The following KIF13B variants were observed in gnomAD, a reference collection of about 807,000 sequenced individuals.
KIF13B encodes the protein kinesin-like protein KIF13B.
A neutral mutation model predicts 222.0 loss-of-function variants in KIF13B; 127 were observed. That is an observed-to-expected ratio of 0.57 (90% CI 0.50 to 0.66). The LOEUF (loss-of-function observed/expected upper bound fraction) is 0.66, where lower values mean the gene tolerates loss of function less well. Among genes scored for constraint, KIF13B ranks in the 30% least tolerant of loss-of-function variants. KIF13B has a pLI of 0.00. For synonymous variants in KIF13B, 976 were observed against 919.0 expected (o/e 1.06, Z -1.12); for missense variants, 2,173 against 2,379.0 (o/e 0.91, Z 1.80).
intron 17 of KIF13B, 79 bp downstream of exon 17, chr8:29,147,313 C>A: frequency 1.0e-6 from 1 of 998,622 alleles, no homozygotes; most frequent in Non-Finnish European, 1.5e-6. Flanking sequence ...CTTAATGTTC[C>A]CATTTGACAC....
chr8:29,151,410 T>C (rs1811292074), intron 14 of KIF13B, among the ~76,000 whole-genome samples: 2 of 152,262 alleles, frequency 1.3e-5, no homozygotes, highest in Non-Finnish European at 2.9e-5. Flanking sequence ...AGACTTCTAC[T>C]GGAAGAAGAT....
Position 29,250,897 on chromosome 8 carries a change from T to C in KIF13B, c.56-5458A>G, listed in dbSNP as rs566727784. On this transcript the variant is annotated intron_variant, in intron 1 of 39. Coordinates refer to ENST00000524189, the MANE Select transcript of KIF13B (RefSeq NM_015254.4). ...TTGTGTTGCTACAAGATTTTAAATA[T>C]GACACACTCGCCACTGAAAACTTCT... Among the ~76,000 whole-genome samples, 6 of 152,362 alleles carry C rather than the reference T, an allele frequency of 3.9e-5. No individual in the cohort carries two copies. In the South Asian group the frequency reaches 1.2e-3, roughly 32 times the overall value.
chr8:29,193,981 CTTTT>C (rs59285182), intron 3 of KIF13B, among the ~76,000 whole-genome samples: 1 of 134,054 alleles, frequency 7.5e-6, no homozygotes. Flanking sequence ...CCACGCCTGG[CTTTT>C]TTTTTTTTTT....
intron 2 of KIF13B, 106 bp from the exon 3 acceptor site, chr8:29,196,305 AT>A: frequency 3.3e-6 from 3 of 898,112 alleles, no homozygotes; most frequent in Non-Finnish European, 5.2e-6. Flanking sequence ...AATAAACATT[AT>A]GTAAATTCAC....
intron 32 of KIF13B, among the ~76,000 whole-genome samples, chr8:29,111,345 T>C (rs77559103): frequency 0.03 from 4,528 of 152,344 alleles, 235 homozygotes; most frequent in African/African-American, 0.1. Context: ...CCTGGGCCAC[T>C]TCTTTTGGCC....
chr8:29,199,081 A>ATTTTTTTTTTTTTTTTTTTTTTTT (rs1435870446), intron 2 of KIF13B, among the ~76,000 whole-genome samples: 3 of 151,490 alleles, frequency 2.0e-5, no homozygotes, highest in African/African-American at 7.3e-5. Context: ...AAAAAAATAA[A>ATTTTTTTTTTTTTTTTTTTTTTTT]ATTTTTTAAA....
chr8:29,090,649 C>T (rs932351998), intron 37 of KIF13B, among the ~76,000 whole-genome samples: 1 of 152,156 alleles, frequency 6.6e-6, no homozygotes, highest in African/African-American at 2.4e-5. Flanking sequence ...AATGTTCTGG[C>T]TTTACTACCA....
chr8:29,191,124 G>C, intron 3 of KIF13B, 67 bp from the exon 4 acceptor site: 1 of 1,203,378 alleles, frequency 8.3e-7, no homozygotes, highest in Non-Finnish European at 1.2e-6. Context: ...ATAACTGATA[G>C]AACTGTTCAT....
At chr8:29,074,066 G>A (rs1419984035) in intron 38 of KIF13B, among the ~76,000 whole-genome samples, 1 of 152,168 alleles carries the variant, frequency 6.6e-6, no homozygotes, top group Non-Finnish European at 1.5e-5. Context: ...GAATCTGAAC[G>A]GTAACCAGGG....
chr8:29,077,642 A>T (rs1212365906), intron 37 of KIF13B, among the ~76,000 whole-genome samples: 5 of 152,204 alleles, frequency 3.3e-5, no homozygotes. Flanking sequence ...CTAAAATCAC[A>T]TGATTCCTGC....
At chr8:29,173,408 G>T (rs544693561) in intron 10 of KIF13B, among the ~76,000 whole-genome samples, 2 of 151,484 alleles carry the variant, frequency 1.3e-5, no homozygotes, top group African/African-American at 4.8e-5. Context: ...GATGCTCAAG[G>T]CCAGGAGTTC....
rs1243079346 is a variant in KIF13B, at chr8:29,085,705, C to CCTTTT, written c.4458+7039_4458+7040insAAAAG. ...GTTTTTAAGTAACAGAAATACTCTT[C>CCTTTT]TTTTTTTTTTTTTTTTTTTTTTTTT... On this transcript the variant is annotated intron_variant, in intron 37 of 39. Coordinates refer to ENST00000524189, the MANE Select transcript of KIF13B (RefSeq NM_015254.4). 2.5e-3 allele frequency among the ~76,000 whole-genome samples: 124 copies of CCTTTT among 48,772 alleles called. 2 individuals carry two copies. Among genetic ancestry groups the CCTTTT allele is most frequent in the African/African-American group, 9.1e-3 (119 of 13,084 alleles). 32.0% of individuals were successfully genotyped at this position (48,772 alleles called of 152,430 possible). A position where few individuals can be genotyped will look rare whatever the true frequency, so the allele number is the denominator to read the frequency against.
intron 4 of KIF13B, chr8:29,189,438 A>C (rs1813079330): frequency 6.6e-6 from 1 of 152,212 alleles, no homozygotes. Flanking sequence ...GAGATTGTTT[A>C]AAAACAGGCG....
chr8:29,234,150 C>A (rs909503756), intron 2 of KIF13B, among the ~76,000 whole-genome samples: 1 of 152,102 alleles, frequency 6.6e-6, no homozygotes, highest in African/African-American at 2.4e-5. Flanking sequence ...TGAGGTCCAA[C>A]AATTCCACTC....
chr8:29,144,131 C>T (rs1009856585), intron 18 of KIF13B, among the ~76,000 whole-genome samples: 2 of 151,642 alleles, frequency 1.3e-5, no homozygotes, highest in Non-Finnish European at 2.9e-5. Context: ...TTCAAATGTT[C>T]TACTTAAAAC....
intron 1 of KIF13B, among the ~76,000 whole-genome samples, chr8:29,261,309 T>C (rs1289473660): frequency 6.6e-6 from 1 of 152,184 alleles, no homozygotes; most frequent in African/African-American, 2.4e-5. Flanking sequence ...TACAACCTTA[T>C]CAATGGCAAT....
chr8:29,076,153 G>A (rs528045322), intron 37 of KIF13B, among the ~76,000 whole-genome samples: 3 of 152,320 alleles, frequency 2.0e-5, no homozygotes, highest in South Asian at 2.1e-4. Flanking sequence ...CTGTTGCTGC[G>A]GAGTGGCTGT....
At position 29,182,003 on chromosome 8, in the gene KIF13B, G is replaced by A. The variant is rs377611918; in HGVS notation, c.501C>T (p.Ser167=). The part of the protein sequence containing the change: ...KVRDLLDPKG[S]RQTLKVREHS... Reference sequence around the variant, plus strand: ...GCTCTCTGACTTTCAACGTCTGACGGCTTCTGTTCATGAAAAACAAAGAAA... The same window carrying A: ...GCTCTCTGACTTTCAACGTCTGACGACTTCTGTTCATGAAAAACAAAGAAA... The change falls in exon 7 of 40, where the codon AGC becomes AGT. Residue 167 remains serine, a synonymous_variant. Transcript: ENST00000524189. 4.3e-6 allele frequency: 7 copies of A among 1,612,016 alleles called. No individual in the cohort carries two copies. Among genetic ancestry groups the A allele is most frequent in the Admixed American group, 1.7e-5 (1 of 59,832 alleles).
At chr8:29,115,422 G>T (rs1266078656) in intron 31 of KIF13B, among the ~76,000 whole-genome samples, 1 of 151,844 alleles carries the variant, frequency 6.6e-6, no homozygotes, top group Non-Finnish European at 1.5e-5. Flanking sequence ...CGCCTCCCGG[G>T]TTTAAGCAAT....
Sources: gnomAD v4.1 joint callset for allele counts (sites outside exome capture counted in the v4.1 genomes callset) on GRCh38, gnomAD v4.1.1 for gene constraint, MANE v1.5 for transcripts, NCBI Gene and HGNC (gene_info 2026-07-23, HGNC 2026-07-21) for gene names.